The following TRHDE variants were observed in gnomAD, a reference collection of about 807,000 sequenced individuals.
TRHDE encodes thyrotropin-releasing hormone-degrading ectoenzyme.
In TRHDE, 72 loss-of-function variants were observed where a neutral mutation model predicts 125.7. That is an observed-to-expected ratio of 0.57 (90% confidence interval 0.47 to 0.70). TRHDE has a LOEUF of 0.70. Ranked by LOEUF, TRHDE falls within the 30% of genes least tolerant of loss-of-function variation. The probability of loss-of-function intolerance (pLI) is 0.00; values close to 1 mark genes in which losing one functional copy is unlikely to be tolerated. For missense variants in TRHDE, 1,110 were observed against 1,327.1 expected (o/e 0.84, Z 2.54); for synonymous variants, 509 against 509.1 (o/e 1.00, Z 0.00).
intron 2 of TRHDE, among the ~76,000 whole-genome samples, chr12:72,343,545 C>A (rs1029312230): frequency 5.3e-5 from 8 of 152,142 alleles, no homozygotes; most frequent in South Asian, 2.1e-4. Context: ...TTGTCCTAAG[C>A]CAGGTGTAAA....
rs527894547 is a variant in TRHDE, at chr12:72,406,226, A to G, written c.1315+28105A>G. 2.0e-5 allele frequency among the ~76,000 whole-genome samples: 3 copies of G among 152,312 alleles called. No homozygotes were observed. In the East Asian group the frequency reaches 5.8e-4, roughly 29 times the overall value. The stretch of plus-strand genomic sequence containing the variant: ...AATTCTGAGCAGGATTGCCTTCTCC[A>G]AAATAGATCAGTTGCATTGAAGTAG... On this transcript the variant is annotated intron_variant, in intron 3 of 18. Transcript: ENST00000261180.
intron 3 of TRHDE, among the ~76,000 whole-genome samples, chr12:72,403,883 T>C (rs1312456054): frequency 6.6e-6 from 1 of 152,106 alleles, no homozygotes; most frequent in Non-Finnish European, 1.5e-5. Context: ...GGGTAGGTCA[T>C]AGTTGAAGAT....
At chr12:72,300,704 G>A (rs1405923335) in intron 2 of TRHDE, among the ~76,000 whole-genome samples, 1 of 151,778 alleles carries the variant, frequency 6.6e-6, no homozygotes, top group Admixed American at 6.6e-5. Flanking sequence ...ATATATATGT[G>A]TGTGTGTATG....
intron 2 of TRHDE, among the ~76,000 whole-genome samples, chr12:72,249,554 T>C (rs1428760766): frequency 1.3e-5 from 2 of 152,138 alleles, no homozygotes; most frequent in Non-Finnish European, 2.9e-5. Context: ...GGTAAGCACA[T>C]ACAAAGATGT....
intron 2 of TRHDE, among the ~76,000 whole-genome samples, chr12:72,152,408 C>T (rs1195108577): frequency 2.0e-5 from 3 of 151,916 alleles, no homozygotes; most frequent in Non-Finnish European, 2.9e-5. Context: ...TGCCTCATTG[C>T]CCTGGCCAGA....
At position 72,364,519 on chromosome 12, in the gene TRHDE, A is replaced by G. The variant is rs114234667; in HGVS notation, c.1189-13476A>G. Among the ~76,000 whole-genome samples the G allele has an allele frequency of 3.6e-3, 544 of 152,154 alleles. 3 individuals carry two copies. Among genetic ancestry groups the G allele is most frequent in the African/African-American group, 0.012 (514 of 41,518 alleles). On this transcript the variant is annotated intron_variant, in intron 2 of 18. Coordinates refer to ENST00000261180, the MANE Select transcript of TRHDE (RefSeq NM_013381.3). ...GATTTCTACTTGTTTGGTTCACTCTATGTCCTCAGCACCTAGGATAAGTCC... is the reference window on the plus strand; with the variant it reads ...GATTTCTACTTGTTTGGTTCACTCTGTGTCCTCAGCACCTAGGATAAGTCC...
rs139924944 is a variant in TRHDE, at chr12:72,525,927, G to A, written c.1723-16364G>A. Among the ~76,000 whole-genome samples, 396 of 152,084 alleles carry A rather than the reference G, an allele frequency of 2.6e-3. 7 individuals carry two copies. The highest frequency in any genetic ancestry group is 9.3e-3 in the South Asian group (45 of 4,824). ...AACACTTTCTGCCTTTCGTATTTCTGTTTCAGTCATTTTTTTCCCCTGCGG... is the reference window on the plus strand; with the variant it reads ...AACACTTTCTGCCTTTCGTATTTCTATTTCAGTCATTTTTTTCCCCTGCGG... On this transcript the variant is annotated intron_variant, in intron 6 of 18. Transcript: ENST00000261180.
chr12:72,516,199 A>C (rs1004514041), intron 6 of TRHDE, among the ~76,000 whole-genome samples: 1 of 151,322 alleles, frequency 6.6e-6, no homozygotes, highest in Non-Finnish European at 1.5e-5. Context: ...TGGTAGCTTG[A>C]TGGGGATGGC....
intron 2 of TRHDE, among the ~76,000 whole-genome samples, chr12:72,121,774 T>C (rs2139301888): frequency 6.7e-6 from 1 of 148,278 alleles, no homozygotes; most frequent in South Asian, 2.2e-4. Flanking sequence ...GGTGTTCCCA[T>C]GGGGAGAACA....
intron 2 of TRHDE, among the ~76,000 whole-genome samples, chr12:72,265,283 TC>T (rs1180602055): frequency 6.6e-6 from 1 of 152,106 alleles, no homozygotes; most frequent in East Asian, 1.9e-4. Flanking sequence ...CAAGAATAAT[TC>T]TTGGATCCCC....
rs1875160103 is a variant in TRHDE, at chr12:72,667,898, T to G, written c.*4703T>G. The G allele has an allele frequency of 6.6e-6, 1 of 151,740 alleles. No homozygotes were observed. Among genetic ancestry groups the G allele is most frequent in the South Asian group, 2.1e-4 (1 of 4,836 alleles). The allele number at this position is 151,740 out of a possible 1,614,324, so 9.4% of individuals were successfully genotyped here. A position where few individuals can be genotyped will look rare whatever the true frequency, so the allele number is the denominator to read the frequency against. ...AGTTGCAGGAATACTTTAATCTACT[T>G]ACGAAAAAGTAGTTCAAGTTTTCTA... On this transcript the variant is annotated 3_prime_UTR_variant, in exon 19 of 19. Coordinates refer to ENST00000261180, the MANE Select transcript of TRHDE (RefSeq NM_013381.3).
intron 3 of TRHDE, among the ~76,000 whole-genome samples, chr12:72,411,884 C>T (rs1201147632): frequency 2.0e-5 from 3 of 152,032 alleles, no homozygotes; most frequent in African/African-American, 7.2e-5. Flanking sequence ...TGGAAAAAGA[C>T]AAACTTTTTA....
chr12:72,407,434 G>A (rs113682323), intron 3 of TRHDE, among the ~76,000 whole-genome samples: 15 of 152,312 alleles, frequency 9.8e-5, no homozygotes, highest in African/African-American at 3.4e-4. Flanking sequence ...CCATTAGCTG[G>A]ATCTAGGCTA....
intron 6 of TRHDE, among the ~76,000 whole-genome samples, 166 bp from the exon 7 acceptor site, chr12:72,542,125 T>C (rs1423875651): frequency 6.6e-6 from 1 of 151,342 alleles, no homozygotes; most frequent in Admixed American, 6.6e-5. Context: ...ACCAAAAAAA[T>C]GAAATTGTTA....
intron 4 of TRHDE, 117 bp downstream of exon 4, chr12:72,470,029 G>C: frequency 1.0e-6 from 1 of 970,218 alleles, no homozygotes; most frequent in Non-Finnish European, 1.5e-6. Flanking sequence ...TTTATATGGA[G>C]CACTGTGTAG....
At chr12:72,632,692 G>A (rs1873546305) in intron 15 of TRHDE, among the ~76,000 whole-genome samples, 1 of 149,152 alleles carries the variant, frequency 6.7e-6, no homozygotes, top group African/African-American at 2.5e-5. Context: ...TAAATACCCA[G>A]CATTTAGGCT....
chr12:72,356,663 T>A (rs1287740382), intron 2 of TRHDE, among the ~76,000 whole-genome samples: 1 of 151,598 alleles, frequency 6.6e-6, no homozygotes, highest in African/African-American at 2.4e-5. Flanking sequence ...TTGACTAGGA[T>A]TGTAGTGGAT....
In TRHDE at chr12:72,272,711, A is replaced by C; in HGVS notation, c.68A>C (p.Lys23Thr). Residue 23 changes from lysine (K) to threonine (T), a missense_variant, in exon 1 of 19, where the codon AAG (lysine) becomes ACG (threonine). By Grantham distance (78) the Lys-to-Thr change is moderately conservative. This residue lies in a region of TRHDE where 248 missense variants were observed against 240.8 expected (regional missense o/e 1.03). Coordinates refer to ENST00000261180, the MANE Select transcript of TRHDE (RefSeq NM_013381.3). The surrounding 1 kb of genome is among the most constrained non-coding windows in gnomAD (Gnocchi z 6.7). ...AAAAAGAAGAAGAAAAAGAAGAGGA[A>C]GAAGAAGAAGGAGGAGGAGGAGGAG... ...EKKKKKKKKRKKKKEEEEEEE... is the reference protein window; with the variant it reads ...EKKKKKKKKRTKKKEEEEEEE... 1 of 1,400,450 alleles carries C rather than the reference A, an allele frequency of 7.1e-7. No homozygotes were observed. Among genetic ancestry groups the C allele is most frequent in the Non-Finnish European group, 9.4e-7 (1 of 1,068,984 alleles). The allele number at this position is 1,400,450 out of a possible 1,614,324, so 86.8% of individuals were successfully genotyped here. A position where few individuals can be genotyped will look rare whatever the true frequency, so the allele number is the denominator to read the frequency against.
chr12:72,089,464 C>T (rs1372503218), intron 1 of TRHDE, among the ~76,000 whole-genome samples: 1 of 152,204 alleles, frequency 6.6e-6, no homozygotes, highest in Non-Finnish European at 1.5e-5. Flanking sequence ...CTCTTCCTAT[C>T]TCATGCTGCC....
Sources: allele counts gnomAD v4.1 joint callset (sites outside exome capture counted in the v4.1 genomes callset), GRCh38; gene constraint gnomAD v4.1.1; regional missense constraint gnomAD v4.1.1; non-coding constraint Gnocchi (gnomAD v3.1); transcripts MANE v1.5; gene names NCBI Gene and HGNC (gene_info 2026-07-23, HGNC 2026-07-21).